ATP2A2: variants seen among roughly 807,000 people sequenced by gnomAD.
ATP2A2 encodes sarcoplasmic/endoplasmic reticulum calcium ATPase 2.
A neutral mutation model predicts 109.3 loss-of-function variants in ATP2A2; 14 were observed. That is an observed-to-expected ratio of 0.13 (90% confidence interval 0.08 to 0.20). The LOEUF is 0.20. Ranked by LOEUF, ATP2A2 falls within the 10% of genes least tolerant of loss-of-function variation. The probability of loss-of-function intolerance (pLI) is 1.00; values close to 1 mark genes in which losing one functional copy is unlikely to be tolerated. For synonymous variants in ATP2A2, 506 were observed against 490.9 expected (o/e 1.03, Z -0.41); for missense variants, 657 against 1,321.6 (o/e 0.50, Z 7.80).
chr12:110,293,843 T>A (rs1873633776), intron 4 of ATP2A2, among the ~76,000 whole-genome samples: 1 of 122,698 alleles, frequency 8.2e-6, no homozygotes, highest in African/African-American at 3.6e-5. Context: ...TGTGTGTGTG[T>A]GTGTGTGTGT....
At position 110,281,560 on chromosome 12, in the gene ATP2A2, G is replaced by C; in HGVS notation, c.-230G>C. ...GGCGAGGGGAGGGAGGGTGGGTCAG[G>C]AGCCCCCAACCCGCCCTGCGGAGCT... On this transcript the variant is annotated 5_prime_UTR_variant, in exon 1 of 20. Coordinates refer to ENST00000539276, the MANE Select transcript of ATP2A2 (RefSeq NM_170665.4). The C allele has an allele frequency of 3.4e-6, 1 of 291,268 alleles. No individual in the cohort carries two copies. The highest frequency in any genetic ancestry group is 8.2e-5 in the South Asian group (1 of 12,236). The allele number at this position is 291,268 out of a possible 1,614,324, so 18.0% of individuals were successfully genotyped here. A position where few individuals can be genotyped will look rare whatever the true frequency, so the allele number is the denominator to read the frequency against.
At chr12:110,315,746 GC>G (rs1376714905) in intron 5 of ATP2A2, among the ~76,000 whole-genome samples, 1 of 152,176 alleles carries the variant, frequency 6.6e-6, no homozygotes, top group Admixed American at 6.5e-5. Context: ...TTCGAGACCA[GC>G]CTGGCCAACG....
At chr12:110,319,938 T>C (rs2137795071) in intron 5 of ATP2A2, among the ~76,000 whole-genome samples, 1 of 152,256 alleles carries the variant, frequency 6.6e-6, no homozygotes, top group East Asian at 1.9e-4. Flanking sequence ...ATTTCAGATT[T>C]TGAGTTTTTT....
intron 4 of ATP2A2, among the ~76,000 whole-genome samples, chr12:110,293,373 T>G (rs556023348): frequency 9.7e-4 from 115 of 118,388 alleles, no homozygotes; most frequent in Middle Eastern, 4.3e-3. Context: ...CGGCCTTTTT[T>G]TTTTTTTTTT....
chr12:110,311,558 T>C (rs1876037566), intron 5 of ATP2A2, among the ~76,000 whole-genome samples: 1 of 121,638 alleles, frequency 8.2e-6, no homozygotes, highest in Non-Finnish European at 1.6e-5. Context: ...ATCGCGCCAC[T>C]GCACTCCAGC....
chr12:110,307,100 G>A lies in ATP2A2; in HGVS notation c.463+10363G>A, dbSNP rs144114692. Among the ~76,000 whole-genome samples the A allele has an allele frequency of 4.0e-3, 607 of 152,144 alleles. 2 individuals carry two copies. Among genetic ancestry groups the A allele is most frequent in the African/African-American group, 0.014 (569 of 41,486 alleles). ...GGGATATATACCCAGTAATGGGATC[G>A]CTGGGTTGAATGGTCATTCTGTTTT... is the stretch of plus-strand genomic sequence containing the variant. On this transcript the variant is annotated intron_variant, in intron 5 of 19. Transcript: ENST00000539276.
intron 4 of ATP2A2, among the ~76,000 whole-genome samples, chr12:110,293,824 ATATGTGTGTGTGTGTGTGTG>A (rs1873625854): frequency 7.9e-6 from 1 of 126,382 alleles, no homozygotes; most frequent in Non-Finnish European, 1.6e-5. Flanking sequence ...TGTGCCATAT[ATATGTGTGTGTGTGTGTGTG>A]TGTGTGTGTG....
chr12:110,283,383 A>G (rs1198017445), intron 3 of ATP2A2, among the ~76,000 whole-genome samples: 2 of 152,168 alleles, frequency 1.3e-5, no homozygotes. Flanking sequence ...AAGGTTTAGT[A>G]CAGTTGGTTC....
In ATP2A2 at chr12:110,327,693, G is replaced by C. The variant is rs539141956; in HGVS notation, c.771G>C (p.Gly257=). The C allele has an allele frequency of 3.1e-6, 5 of 1,614,088 alleles. No homozygotes were observed. In the Admixed American group the frequency reaches 8.3e-5, roughly 27 times the overall value. The change falls in exon 8 of 20, where the codon GGG becomes GGC. Residue 257 remains glycine (G), a synonymous_variant. Coordinates refer to ENST00000539276, the MANE Select transcript of ATP2A2 (RefSeq NM_170665.4). This position sits in a 1 kb window ranked among gnomAD's most constrained non-coding sequence, Gnocchi z 4.4. ...TPLQQKLDEF[G]EQLSKVISLI... The stretch of plus-strand genomic sequence containing the variant: ...TTCAGCAAAAACTAGATGAATTTGG[G>C]GAACAGCTTTCCAAAGTCATCTCCC...
Position 110,293,383 on chromosome 12 carries a change from T to TG in ATP2A2, c.324+1259_324+1260insG, listed in dbSNP as rs1566203483. 1.3e-3 allele frequency among the ~76,000 whole-genome samples: 160 copies of TG among 125,008 alleles called. 1 individual carries two copies. The highest frequency in any genetic ancestry group is 5.0e-3 in the African/African-American group (157 of 31,224). The allele number at this position is 125,008 out of a possible 152,430, so 82.0% of individuals were successfully genotyped here. A position where few individuals can be genotyped will look rare whatever the true frequency, so the allele number is the denominator to read the frequency against. ...ACTCCCGGCCTTTTTTTTTTTTTTTTTTTTTGTTTGTTTGTTTGTTTGTTT... is the reference window on the plus strand; with the variant it reads ...ACTCCCGGCCTTTTTTTTTTTTTTTTGTTTTTGTTTGTTTGTTTGTTTGTTT... On this transcript the variant is annotated intron_variant, in intron 4 of 19. Coordinates refer to ENST00000539276, the MANE Select transcript of ATP2A2 (RefSeq NM_170665.4).
chr12:110,286,182 C>T (rs1425290503), intron 3 of ATP2A2, among the ~76,000 whole-genome samples: 1 of 152,168 alleles, frequency 6.6e-6, no homozygotes, highest in African/African-American at 2.4e-5. Flanking sequence ...CTCAGCCTCC[C>T]AAAGTGCTGG....
intron 5 of ATP2A2, among the ~76,000 whole-genome samples, chr12:110,305,046 G>A (rs914641438): frequency 2.6e-5 from 4 of 151,906 alleles, no homozygotes; most frequent in African/African-American, 4.8e-5. Flanking sequence ...CGATTCTCCC[G>A]CCTCAGTCTC....
At chr12:110,281,970 G>A (rs532452455) in intron 1 of ATP2A2, 63 bp downstream of exon 1, 48 of 1,359,658 alleles carry the variant, frequency 3.5e-5, no homozygotes, top group Non-Finnish European at 4.2e-5. Context: ...GAAGATGGCT[G>A]ACCGGGCTCC....
chr12:110,282,236 G>T (rs925716886), intron 1 of ATP2A2, among the ~76,000 whole-genome samples: 1 of 152,186 alleles, frequency 6.6e-6, no homozygotes, highest in Non-Finnish European at 1.5e-5. Context: ...GTCCCCTGCC[G>T]ATTTATGAGG....
intron 5 of ATP2A2, 75 bp downstream of exon 5, chr12:110,296,812 TTA>T: frequency 6.7e-7 from 1 of 1,494,412 alleles, no homozygotes; most frequent in East Asian, 2.3e-5. Flanking sequence ...AGGCTCATAA[TTA>T]TATTTAAAAT....
At position 110,348,031 on chromosome 12, in the gene ATP2A2, G is replaced by A. The variant is rs1880046491; in HGVS notation, c.*1561G>A. 2.0e-6 allele frequency: 2 copies of A among 986,842 alleles called. No individual in the cohort carries two copies. The highest frequency in any genetic ancestry group is 3.5e-5 in the African/African-American group (2 of 57,250). The allele number at this position is 986,842 out of a possible 1,614,324, so 61.1% of individuals were successfully genotyped here. On this transcript the variant is annotated 3_prime_UTR_variant, in exon 20 of 20. Coordinates refer to ENST00000539276, the MANE Select transcript of ATP2A2 (RefSeq NM_170665.4). ...AGGCTGCCTAGGACAAGATGACCAG[G>A]AGGGCCCAAGCCAGACAAAAGCCGG...
At chr12:110,288,207 T>C (rs952404862) in intron 3 of ATP2A2, among the ~76,000 whole-genome samples, 8 of 150,670 alleles carry the variant, frequency 5.3e-5, no homozygotes, top group Non-Finnish European at 8.9e-5. Context: ...AACTCCTGGT[T>C]TCAAGCAATC....
Position 110,281,828 on chromosome 12 carries a change from G to T in ATP2A2, c.39G>T (p.Leu13=). The T allele has an allele frequency of 6.4e-7, 1 of 1,560,238 alleles. No homozygotes were observed. Residue 13 remains leucine, a synonymous_variant, in exon 1 of 20, where the codon CTG becomes CTT. Coordinates refer to ENST00000539276, the MANE Select transcript of ATP2A2 (RefSeq NM_170665.4). The stretch of plus-strand genomic sequence containing the variant: ...ACACCAAGACGGTGGAGGAGGTGCT[G>T]GGCCACTTCGGCGTCAACGAGAGTA... ...NAHTKTVEEV[L]GHFGVNESTG...
chr12:110,290,759 C>T (rs1474020669), intron 3 of ATP2A2, among the ~76,000 whole-genome samples: 3 of 151,704 alleles, frequency 2.0e-5, no homozygotes, highest in Admixed American at 6.6e-5. Context: ...TGTGCGCCAC[C>T]ACACCTGGCT....
Sources: allele counts gnomAD v4.1 joint callset (sites outside exome capture counted in the v4.1 genomes callset), GRCh38; gene constraint gnomAD v4.1.1; non-coding constraint Gnocchi (gnomAD v3.1); transcripts MANE v1.5; gene names NCBI Gene and HGNC (gene_info 2026-07-23, HGNC 2026-07-21).